TENT5D: variants seen among roughly 807,000 people sequenced by gnomAD.
TENT5D encodes terminal nucleotidyltransferase 5D.
For synonymous variants in TENT5D, 103 were observed against 100.6 expected (o/e 1.02, Z -0.15); for missense variants, 191 against 287.0 (o/e 0.67, Z 2.42).
At chrX:80,403,979 T>A in intron 3 of TENT5D, among the ~76,000 whole-genome samples, 1 of 111,434 alleles carries the variant, frequency 9.0e-6, no homozygotes, top group Non-Finnish European at 1.9e-5. Context: ...GTACATTGGT[T>A]TGGTCCGGTA....
Position 80,367,983 on chromosome X carries a change from TAA to T in TENT5D, c.-142+25422_-142+25423del, listed in dbSNP as rs776203030. Among the ~76,000 whole-genome samples, 626 of 111,538 alleles carry T rather than the reference TAA, an allele frequency of 5.6e-3. 9 individuals carry two copies. Among genetic ancestry groups the T allele is most frequent in the African/African-American group, 0.019 (585 of 30,802 alleles). On this transcript the variant is annotated intron_variant, in intron 3 of 4. Transcript: ENST00000538312. ...TAATAATTGTACATTTAAAAATAAC[TAA>T]AAGAGTATAATTGGATTGTTTGTAA...
At chrX:80,354,566 A>G (rs1030692408) in intron 3 of TENT5D, among the ~76,000 whole-genome samples, 1 of 111,550 alleles carries the variant, frequency 9.0e-6, no homozygotes, top group African/African-American at 3.3e-5. Context: ...TAAAATGGCA[A>G]TGTTATCTTT....
rs189138965 is a variant in TENT5D, at chrX:80,411,254, A to G, written c.-141-27356A>G. On this transcript the variant is annotated intron_variant, in intron 3 of 4. Coordinates refer to the TENT5D transcript ENST00000538312. ...AAACTTAAAGTATAATAAAAAAAAA[A>G]GAAAGAAAATTTCAGTGTTCTAACC... 1.3e-4 allele frequency among the ~76,000 whole-genome samples: 14 copies of G among 111,324 alleles called. No individual in the cohort carries two copies. In the East Asian group the frequency reaches 3.1e-3, roughly 25 times the overall value.
intron 3 of TENT5D, among the ~76,000 whole-genome samples, chrX:80,385,058 T>C (rs1487855339): frequency 9.0e-6 from 1 of 111,233 alleles, no homozygotes; most frequent in African/African-American, 3.3e-5. Flanking sequence ...CTTCACAGAA[T>C]TGGAAAAAAC....
chrX:80,370,311 A>G (rs187547897), intron 3 of TENT5D, among the ~76,000 whole-genome samples: 283 of 111,480 alleles, frequency 2.5e-3, no homozygotes, highest in Middle Eastern at 4.6e-3. Context: ...CTCTGATGTG[A>G]TACGCTACAA....
At chrX:80,372,510 A>G (rs916810080) in intron 3 of TENT5D, among the ~76,000 whole-genome samples, 23 of 111,584 alleles carry the variant, frequency 2.1e-4, no homozygotes, top group Admixed American at 2.0e-3. Flanking sequence ...TTTGTGAAAG[A>G]TAAAATTTCT....
intron 3 of TENT5D, among the ~76,000 whole-genome samples, chrX:80,358,599 T>G (rs1930338254): frequency 8.9e-6 from 1 of 112,303 alleles, no homozygotes; most frequent in African/African-American, 3.2e-5. Context: ...GGAAATATTC[T>G]TTGGAGAATA....
intron 1 of TENT5D, among the ~76,000 whole-genome samples, chrX:80,421,561 T>G (rs1204764576): frequency 8.9e-6 from 1 of 112,676 alleles, no homozygotes; most frequent in Admixed American, 9.4e-5. Flanking sequence ...TTAATGCAAG[T>G]AAAGTTTAGA....
At chrX:80,340,773 T>G (rs755803975) in intron 2 of TENT5D, among the ~76,000 whole-genome samples, 1 of 111,834 alleles carries the variant, frequency 8.9e-6, no homozygotes, top group Non-Finnish European at 1.9e-5. Flanking sequence ...TCCCAAGTTT[T>G]GACAGCCCAA....
At chrX:80,442,724 G>C in exon 3 of TENT5D, 1 of 1,211,291 alleles carries the variant, frequency 8.3e-7, no homozygotes, top group Non-Finnish European at 1.1e-6. Context: ...AAAGATGCCA[G>C]ATTGAATGGT....
At chrX:80,383,407 CTTCT>C (rs1930917284) in intron 3 of TENT5D, among the ~76,000 whole-genome samples, 1 of 111,815 alleles carries the variant, frequency 8.9e-6, no homozygotes, top group African/African-American at 3.2e-5. Flanking sequence ...TGATGAGTGC[CTTCT>C]TTCTTCTAGA....
At chrX:80,406,676 G>A (rs1409189866) in intron 3 of TENT5D, among the ~76,000 whole-genome samples, 1 of 80,374 alleles carries the variant, frequency 1.2e-5, no homozygotes, top group Non-Finnish European at 2.4e-5. Flanking sequence ...AAAACACTCT[G>A]CAGGATATTA....
At chrX:80,440,462 A>C (rs750536431) in intron 2 of TENT5D, among the ~76,000 whole-genome samples, 1 of 108,933 alleles carries the variant, frequency 9.2e-6, no homozygotes, top group East Asian at 2.9e-4. Flanking sequence ...CATTTTGGCA[A>C]TTTTTTTTTA....
chrX:80,412,642 G>C (rs1469222134), intron 3 of TENT5D, among the ~76,000 whole-genome samples: 1 of 111,638 alleles, frequency 9.0e-6, no homozygotes, highest in Admixed American at 9.6e-5. Flanking sequence ...GGGGCAAAAT[G>C]CTGCCAGTCA....
intron 3 of TENT5D, among the ~76,000 whole-genome samples, chrX:80,398,429 T>G (rs1281581042): frequency 8.9e-6 from 1 of 112,350 alleles, no homozygotes; most frequent in Non-Finnish European, 1.9e-5. Context: ...GTTTGTTTTT[T>G]ATTTGCTTTT....
intron 3 of TENT5D, among the ~76,000 whole-genome samples, chrX:80,352,112 G>A (rs1930188757): frequency 8.9e-6 from 1 of 112,249 alleles, no homozygotes; most frequent in African/African-American, 3.2e-5. Flanking sequence ...CTCCCAGTCA[G>A]GAGGCATGAG....
chrX:80,363,941 C>T (rs1202567622), intron 3 of TENT5D, among the ~76,000 whole-genome samples: 2 of 112,424 alleles, frequency 1.8e-5, no homozygotes, highest in Admixed American at 9.4e-5. Context: ...TACCTTTGTG[C>T]ATGTGTGGTG....
At chrX:80,395,662 A>C (rs1282881936) in intron 3 of TENT5D, among the ~76,000 whole-genome samples, 1 of 111,091 alleles carries the variant, frequency 9.0e-6, no homozygotes, top group African/African-American at 3.3e-5. Flanking sequence ...CATAATTAGC[A>C]TATCCATCAT....
intron 3 of TENT5D, among the ~76,000 whole-genome samples, chrX:80,373,610 A>C (rs986599623): frequency 9.0e-6 from 1 of 111,093 alleles, no homozygotes; most frequent in Non-Finnish European, 1.9e-5. Flanking sequence ...CAGGAAGGTT[A>C]AATAATTTGA....
Sources: allele counts gnomAD v4.1 joint callset (sites outside exome capture counted in the v4.1 genomes callset), GRCh38; gene constraint gnomAD v4.1.1; transcripts MANE v1.5; gene names NCBI Gene and HGNC (gene_info 2026-07-23, HGNC 2026-07-21).